Variants in FAM135A observed in about 807,000 individuals in gnomAD.
The protein encoded by FAM135A is family with sequence similarity 135 member A, also known as protein FAM135A.
A neutral mutation model predicts 146.8 loss-of-function variants in FAM135A; 79 were observed. That is an observed-to-expected ratio of 0.54 (90% CI 0.45 to 0.65). The LOEUF is 0.65. FAM135A is among the 30% of genes least tolerant of loss of function. The pLI is 0.00. For synonymous variants in FAM135A, 562 were observed against 603.6 expected (o/e 0.93, Z 1.01); for missense variants, 1,623 against 1,758.2 (o/e 0.92, Z 1.38).
chr6:70,498,101 TC>T (rs1246322584), intron 11 of FAM135A, among the ~76,000 whole-genome samples: 1 of 152,212 alleles, frequency 6.6e-6, no homozygotes, highest in East Asian at 1.9e-4. Flanking sequence ...ATCTGTCTGG[TC>T]CTGGGCTTTT....
At chr6:70,418,687 T>A (rs1164667812) in intron 2 of FAM135A, among the ~76,000 whole-genome samples, 2 of 152,198 alleles carry the variant, frequency 1.3e-5, no homozygotes, top group African/African-American at 4.8e-5. Flanking sequence ...AGAGGGAGCT[T>A]ACTTACAAAG....
intron 4 of FAM135A, among the ~76,000 whole-genome samples, chr6:70,441,345 G>A (rs566198169): frequency 3.3e-5 from 5 of 152,136 alleles, no homozygotes; most frequent in Admixed American, 1.3e-4. Context: ...CTGAGATGGC[G>A]CTACTGCACT....
At chr6:70,519,580 T>C (rs2747697) in intron 12 of FAM135A, among the ~76,000 whole-genome samples, 129,397 of 152,260 alleles carry the variant, frequency 0.85, 55,251 homozygotes, top group East Asian at 0.91. Flanking sequence ...CCATAGCCAC[T>C]GCAGCCACCC....
At chr6:70,436,092 G>A (rs1393025235) in intron 4 of FAM135A, among the ~76,000 whole-genome samples, 3 of 151,804 alleles carry the variant, frequency 2.0e-5, no homozygotes, top group African/African-American at 4.8e-5. Context: ...GCTGAGGCAG[G>A]AGAATCACTT....
Position 70,470,423 on chromosome 6 carries a change from C to G in FAM135A, c.158-4987C>G, listed in dbSNP as rs778174697. On this transcript the variant is annotated intron_variant, in intron 5 of 21. Transcript: ENST00000418814. ...AAGCTGGAGTGCAGTGGCACAATCTCGGCTCACTCTGCAACCTCCGCCTCC... is the reference window on the plus strand; with the variant it reads ...AAGCTGGAGTGCAGTGGCACAATCTGGGCTCACTCTGCAACCTCCGCCTCC... Among the ~76,000 whole-genome samples, 4 of 152,232 alleles carry G rather than the reference C, an allele frequency of 2.6e-5. No homozygotes were observed. The East Asian group carries it at 7.7e-4, about 29-fold the overall frequency.
At chr6:70,476,535 G>A (rs1782661949) in intron 7 of FAM135A, among the ~76,000 whole-genome samples, 1 of 151,696 alleles carries the variant, frequency 6.6e-6, no homozygotes, top group African/African-American at 2.4e-5. Flanking sequence ...AATTATTTAA[G>A]TGGAATAAGC....
intron 11 of FAM135A, among the ~76,000 whole-genome samples, chr6:70,495,743 C>T (rs923826075): frequency 2.0e-5 from 3 of 152,034 alleles, no homozygotes; most frequent in African/African-American, 7.2e-5. Context: ...ACCCATCAAC[C>T]TGTCGTCTAC....
At chr6:70,464,611 C>CA (rs1263083643) in intron 5 of FAM135A, among the ~76,000 whole-genome samples, 2 of 150,036 alleles carry the variant, frequency 1.3e-5, no homozygotes, top group Non-Finnish European at 3.0e-5. Flanking sequence ...AATAACAGAA[C>CA]AATATTTCAG....
intron 4 of FAM135A, among the ~76,000 whole-genome samples, chr6:70,433,761 T>C (rs961931984): frequency 1.1e-4 from 16 of 152,302 alleles, no homozygotes; most frequent in South Asian, 4.1e-4. Context: ...CTTAGACTTA[T>C]CGGGTGTAAT....
At chr6:70,446,713 G>A (rs1418149535) in intron 4 of FAM135A, among the ~76,000 whole-genome samples, 1 of 152,166 alleles carries the variant, frequency 6.6e-6, no homozygotes, top group Non-Finnish European at 1.5e-5. Context: ...GCCCAATAAG[G>A]ATAATTGTTC....
At chr6:70,455,026 G>A (rs917614653) in intron 5 of FAM135A, among the ~76,000 whole-genome samples, 1 of 152,128 alleles carries the variant, frequency 6.6e-6, no homozygotes, top group Non-Finnish European at 1.5e-5. Flanking sequence ...TGGGCAGTAT[G>A]GCCATTTTCA....
At chr6:70,523,477 T>C (rs751949125) in intron 13 of FAM135A, among the ~76,000 whole-genome samples, 1 of 152,148 alleles carries the variant, frequency 6.6e-6, no homozygotes, top group Non-Finnish European at 1.5e-5. Flanking sequence ...GGGTTTTCTG[T>C]TTTAACTGTT....
At chr6:70,503,570 T>C (rs1037184112) in intron 12 of FAM135A, 1 of 152,192 alleles carries the variant, frequency 6.6e-6, no homozygotes, top group African/African-American at 2.4e-5. Context: ...CTCTCAATGC[T>C]ACAGATGTTC....
At chr6:70,459,779 C>T (rs1779066276) in intron 5 of FAM135A, among the ~76,000 whole-genome samples, 1 of 152,116 alleles carries the variant, frequency 6.6e-6, no homozygotes, top group Non-Finnish European at 1.5e-5. Context: ...CCTGTAATCA[C>T]AGCACTTTGG....
At chr6:70,516,609 C>T (rs1436443583) in intron 12 of FAM135A, among the ~76,000 whole-genome samples, 1 of 142,292 alleles carries the variant, frequency 7.0e-6, no homozygotes, top group Non-Finnish European at 1.5e-5. Context: ...GACCTCGGCT[C>T]ACTGCAAGCT....
chr6:70,519,979 TA>T (rs1793194631), intron 12 of FAM135A, among the ~76,000 whole-genome samples: 1 of 152,180 alleles, frequency 6.6e-6, no homozygotes, highest in Admixed American at 6.5e-5. Flanking sequence ...TAGTATTCCA[TA>T]TTATTAAAAA....
At position 70,526,590 on chromosome 6, in the gene FAM135A, C is replaced by T; in HGVS notation, c.3506C>T (p.Ser1169Phe). ...PRESPCNVKY[S>F]SKSKFDAITK... Reference sequence around the variant, plus strand: ...GAGTCTCCTTGTAATGTTAAATATTCTTCCAAAAGTAAATTTGATGCCATT... The same window carrying T: ...GAGTCTCCTTGTAATGTTAAATATTTTTCCAAAAGTAAATTTGATGCCATT... Residue 1169 changes from serine (S) to phenylalanine (F), a missense_variant, in exon 15 of 22, where the codon TCT (serine) becomes TTT (phenylalanine). This residue lies in a region of FAM135A where 1,061 missense variants were observed against 1,113.8 expected (regional missense o/e 0.95). Transcript: ENST00000418814. The T allele has an allele frequency of 6.2e-7, 1 of 1,613,562 alleles. No homozygotes were observed. The highest frequency in any genetic ancestry group is 8.5e-7 in the Non-Finnish European group (1 of 1,179,656).
intron 7 of FAM135A, 136 bp from the exon 8 acceptor site, chr6:70,477,023 A>T (rs764972060): frequency 4.4e-5 from 37 of 845,852 alleles, no homozygotes; most frequent in Non-Finnish European, 6.3e-5. Context: ...TGCAACTTTG[A>T]TGCTTTAAAA....
chr6:70,515,584 G>C (rs888604457), intron 12 of FAM135A, among the ~76,000 whole-genome samples: 6 of 152,046 alleles, frequency 3.9e-5, no homozygotes, highest in African/African-American at 1.4e-4. Context: ...AAAAGATCCG[G>C]GTTGTCAGGG....
Sources: gnomAD v4.1 joint callset for allele counts (sites outside exome capture counted in the v4.1 genomes callset) on GRCh38, gnomAD v4.1.1 for gene constraint, gnomAD v4.1.1 regional missense constraint, MANE v1.5 for transcripts, NCBI Gene and HGNC (gene_info 2026-07-23, HGNC 2026-07-21) for gene names.